The following DLG2 variants were observed in gnomAD, a reference collection of about 807,000 sequenced individuals.
DLG2 encodes the protein disks large homolog 2.
Under a neutral mutation model 132.5 loss-of-function variants are expected in DLG2, and 45 were observed. The observed-to-expected ratio is 0.34, with a 90% CI of 0.27 to 0.44. The LOEUF is 0.44. Among genes scored for constraint, DLG2 ranks in the 20% least tolerant of loss-of-function variants. The pLI is 1.00. For missense variants in DLG2, 1,045 were observed against 1,196.9 expected (o/e 0.87, Z 1.87); for synonymous variants, 424 against 419.6 (o/e 1.01, Z -0.13).
chr11:83,722,595 G>A (rs968496672), intron 18 of DLG2, among the ~76,000 whole-genome samples: 7 of 152,118 alleles, frequency 4.6e-5, no homozygotes, highest in Middle Eastern at 3.2e-3. Context: ...TTTTAAACTG[G>A]CTGCCAACTG....
At chr11:84,967,186 T>A (rs2053463914) in intron 6 of DLG2, among the ~76,000 whole-genome samples, 1 of 152,118 alleles carries the variant, frequency 6.6e-6, no homozygotes, top group African/African-American at 2.4e-5. Context: ...AGTATAGAAA[T>A]TACAAAATCT....
intron 18 of DLG2, among the ~76,000 whole-genome samples, chr11:83,681,055 A>G (rs1365780413): frequency 1.3e-5 from 2 of 152,196 alleles, no homozygotes; most frequent in Non-Finnish European, 2.9e-5. Flanking sequence ...GCTACTTGCC[A>G]GTGAAATAAA....
intron 3 of DLG2, among the ~76,000 whole-genome samples, chr11:85,339,408 A>G (rs751755212): frequency 6.6e-6 from 1 of 152,180 alleles, no homozygotes; most frequent in Non-Finnish European, 1.5e-5. Context: ...AGGTAAATGC[A>G]CCTGTAATTT....
At chr11:85,315,946 T>C (rs2080639908) in intron 3 of DLG2, among the ~76,000 whole-genome samples, 1 of 151,916 alleles carries the variant, frequency 6.6e-6, no homozygotes, top group Admixed American at 6.6e-5. Flanking sequence ...GGGTGAAAGG[T>C]TCTCCCTCAC....
chr11:84,347,889 G>A (rs765931386), intron 7 of DLG2, among the ~76,000 whole-genome samples: 4 of 152,146 alleles, frequency 2.6e-5, no homozygotes, highest in Non-Finnish European at 5.9e-5. Flanking sequence ...TTGCATAAGG[G>A]TTTATGAGTC....
At chr11:83,961,484 A>T (rs761021747) in intron 14 of DLG2, among the ~76,000 whole-genome samples, 26 of 152,038 alleles carry the variant, frequency 1.7e-4, no homozygotes, top group Non-Finnish European at 3.7e-4. Flanking sequence ...AAGCTATGTG[A>T]CCATAAGCAA....
chr11:84,283,047 T>C (rs1293080441), intron 7 of DLG2, among the ~76,000 whole-genome samples: 1 of 152,232 alleles, frequency 6.6e-6, no homozygotes, highest in Non-Finnish European at 1.5e-5. Flanking sequence ...CTCTCTCCTG[T>C]GATAGAGTAA....
At position 84,195,301 on chromosome 11, in the gene DLG2, C is replaced by A. The variant is rs1026890077; in HGVS notation, c.574-31790G>T. The stretch of plus-strand genomic sequence containing the variant: ...GCCTCGGCCTCCTGAGTAGCTGGGA[C>A]TACAGGCACACGCCACCACGTCCAG... On this transcript the variant is annotated intron_variant, in intron 8 of 27. Coordinates refer to ENST00000376104, the MANE Select transcript of DLG2 (RefSeq NM_001142699.3). Among the ~76,000 whole-genome samples the A allele has an allele frequency of 2.6e-5, 4 of 152,168 alleles. No individual in the cohort carries two copies. In the East Asian group the frequency reaches 5.8e-4, roughly 22 times the overall value.
chr11:84,888,880 A>G (rs2088819832), intron 6 of DLG2, among the ~76,000 whole-genome samples: 1 of 152,130 alleles, frequency 6.6e-6, no homozygotes, highest in Middle Eastern at 3.2e-3. Context: ...ATCATCTAGA[A>G]CTTCAGTTCT....
rs941327664 is a variant in DLG2 at position 84,564,819 on chromosome 11, A to C, written c.358-30088T>G. Among the ~76,000 whole-genome samples the C allele has an allele frequency of 3.3e-5, 5 of 152,174 alleles. No individual in the cohort carries two copies. In the South Asian group the frequency reaches 8.3e-4, roughly 25 times the overall value. Reference sequence around the variant, plus strand: ...GTCAGCTACCTGAACTACAGTTACCAAAGAAGTTAATTCTTTCCTGTGTTT... The same window carrying C: ...GTCAGCTACCTGAACTACAGTTACCCAAGAAGTTAATTCTTTCCTGTGTTT... On this transcript the variant is annotated intron_variant, in intron 6 of 27. Transcript: ENST00000376104.
chr11:84,410,538 A>G (rs1356173440), intron 7 of DLG2, among the ~76,000 whole-genome samples: 1 of 151,282 alleles, frequency 6.6e-6, no homozygotes, highest in Non-Finnish European at 1.5e-5. Context: ...CAATGACTCT[A>G]CTATATAAAC....
chr11:85,600,678 T>A (rs1343360698), intron 2 of DLG2, among the ~76,000 whole-genome samples: 1 of 152,356 alleles, frequency 6.6e-6, no homozygotes, highest in Admixed American at 6.5e-5. Flanking sequence ...TGTGGTTTGA[T>A]TATGTTGTCA....
At chr11:84,603,146 C>T (rs1188634549) in intron 6 of DLG2, among the ~76,000 whole-genome samples, 1 of 151,878 alleles carries the variant, frequency 6.6e-6, no homozygotes, top group Non-Finnish European at 1.5e-5. Context: ...GTTCATGGTT[C>T]TCCTAGAGGA....
intron 26 of DLG2, among the ~76,000 whole-genome samples, chr11:83,464,870 C>G (rs753981692): frequency 2.0e-5 from 3 of 152,076 alleles, no homozygotes; most frequent in Non-Finnish European, 4.4e-5. Context: ...GATGGCTGTT[C>G]CCAGGAAGTA....
intron 6 of DLG2, among the ~76,000 whole-genome samples, chr11:84,736,036 C>G (rs1424235320): frequency 6.6e-6 from 1 of 151,878 alleles, no homozygotes; most frequent in Non-Finnish European, 1.5e-5. Flanking sequence ...TGTAGTTTTA[C>G]ATTTTGAGCA....
At chr11:85,204,674 GA>G (rs147441896) in intron 4 of DLG2, among the ~76,000 whole-genome samples, 117 of 146,692 alleles carry the variant, frequency 8.0e-4, no homozygotes, top group African/African-American at 2.7e-3. Context: ...CACATAAACA[GA>G]AAAAAAAAAC....
chr11:83,790,672 C>A (rs2041295155), intron 17 of DLG2: 1 of 922,604 alleles, frequency 1.1e-6, no homozygotes, highest in Non-Finnish European at 1.8e-6. Context: ...TGATGCGGAC[C>A]CACTCTGGGG....
chr11:85,553,920 A>C (rs2076801236), intron 3 of DLG2, among the ~76,000 whole-genome samples: 1 of 151,380 alleles, frequency 6.6e-6, no homozygotes. Context: ...TTCATAGTTT[A>C]AGTTTCCATT....
At chr11:84,184,102 G>T (rs1311844419) in intron 8 of DLG2, among the ~76,000 whole-genome samples, 9 of 152,136 alleles carry the variant, frequency 5.9e-5, no homozygotes, top group Admixed American at 2.6e-4. Flanking sequence ...GTAATGGGAT[G>T]GCTGGGTCAA....
Sources: gnomAD v4.1 joint callset for allele counts (sites outside exome capture counted in the v4.1 genomes callset) on GRCh38, gnomAD v4.1.1 for gene constraint, MANE v1.5 for transcripts, NCBI Gene and HGNC (gene_info 2026-07-23, HGNC 2026-07-21) for gene names.